CFAP96: variants seen among roughly 807,000 people sequenced by gnomAD.
CFAP96 encodes cilia and flagella associated protein 96.
At chr4:185,439,225 C>T in the CFAP96 span, among the ~76,000 whole-genome samples, 2 of 152,004 alleles carry the variant, frequency 1.3e-5, no homozygotes, top group Non-Finnish European at 2.9e-5. Context: ...TCAAGTGATT[C>T]CCATGACAAG....
the CFAP96 span, chr4:185,425,974 C>T: frequency 5.4e-6 from 7 of 1,289,368 alleles, no homozygotes; most frequent in African/African-American, 1.0e-4. Flanking sequence ...CCCGGGCGGA[C>T]CAACTACAAC....
At chr4:185,423,742 A>C in the CFAP96 span, among the ~76,000 whole-genome samples, 2 of 152,172 alleles carry the variant, frequency 1.3e-5, no homozygotes, top group Non-Finnish European at 2.9e-5. Context: ...CACAAATGAC[A>C]TGTATCATTG....
At chr4:185,444,878 CA>C in the CFAP96 span, 1 of 1,314,854 alleles carries the variant, frequency 7.6e-7, no homozygotes, top group Non-Finnish European at 1.0e-6. Context: ...CCACAGACTA[CA>C]AAAATATGTA....
At chr4:185,431,995 G>GGATATTTT in the CFAP96 span, 2 of 1,551,274 alleles carry the variant, frequency 1.3e-6, no homozygotes, top group Admixed American at 3.9e-5. Context: ...CCTTTAATGA[G>GGATATTTT]GCTGCAAGCA....
At chr4:185,433,761 G>A in the CFAP96 span, among the ~76,000 whole-genome samples, 2 of 152,034 alleles carry the variant, frequency 1.3e-5, no homozygotes, top group Non-Finnish European at 2.9e-5. Flanking sequence ...AATTAGCCGG[G>A]CGTGGTGGTG....
the CFAP96 span, chr4:185,413,740 T>C: frequency 5.0e-6 from 8 of 1,611,152 alleles, no homozygotes; most frequent in African/African-American, 1.3e-5. Context: ...CCAGTCTCCA[T>C]GTTAGGTGGA....
At chr4:185,429,940 G>C in the CFAP96 span, among the ~76,000 whole-genome samples, 11 of 152,170 alleles carry the variant, frequency 7.2e-5, no homozygotes, top group African/African-American at 2.7e-4. Flanking sequence ...CGTAGTGCTG[G>C]GGTTAAGAGG....
chr4:185,418,607 C>T, the CFAP96 span: 6 of 1,613,384 alleles, frequency 3.7e-6, no homozygotes, highest in Non-Finnish European at 5.1e-6. Context: ...GCAGTATGTT[C>T]TTACAAGCAG....
chr4:185,425,178 G>C, the CFAP96 span, among the ~76,000 whole-genome samples: 2 of 152,160 alleles, frequency 1.3e-5, no homozygotes, highest in African/African-American at 4.8e-5. Context: ...AGATGTCAAG[G>C]ATGATTTCCA....
chr4:185,427,953 G>A, the CFAP96 span, among the ~76,000 whole-genome samples: 1 of 150,992 alleles, frequency 6.6e-6, no homozygotes. Flanking sequence ...GGGCGTGGTG[G>A]CAGACGCCTG....
chr4:185,434,381 A>AT, the CFAP96 span, among the ~76,000 whole-genome samples: 128,698 of 152,028 alleles, frequency 0.85, 55,471 homozygotes, highest in East Asian at 0.99. Flanking sequence ...TAAAAATGTG[A>AT]TTTTTTTCCT....
At chr4:185,436,498 T>A in the CFAP96 span, 1 of 578,764 alleles carries the variant, frequency 1.7e-6, no homozygotes, top group Non-Finnish European at 3.1e-6. Flanking sequence ...GATCACGAGG[T>A]CAGGAGTTCG....
At chr4:185,449,589 A>G in the CFAP96 span, 5 of 1,532,596 alleles carry the variant, frequency 3.3e-6, no homozygotes, top group Middle Eastern at 1.7e-4. Context: ...TTATTTTCCA[A>G]TTTTAGGGCA....
chr4:185,425,321 T>C, the CFAP96 span, among the ~76,000 whole-genome samples: 1 of 152,008 alleles, frequency 6.6e-6, no homozygotes, highest in African/African-American at 2.4e-5. Flanking sequence ...GAAATACATA[T>C]GAGCTATCCA....
chr4:185,429,344 TA>T, the CFAP96 span: 1 of 873,128 alleles, frequency 1.1e-6, no homozygotes, highest in Non-Finnish European at 1.7e-6. Context: ...GACTTTGCTA[TA>T]AAACACGTGA....
At chr4:185,425,059 C>A in the CFAP96 span, among the ~76,000 whole-genome samples, 1 of 152,216 alleles carries the variant, frequency 6.6e-6, no homozygotes, top group African/African-American at 2.4e-5. Context: ...ATGGATAGAT[C>A]TCAAGGCCAA....
the CFAP96 span, chr4:185,416,102 A>C: frequency 1.2e-5 from 4 of 341,242 alleles, no homozygotes; most frequent in African/African-American, 6.3e-5. Context: ...AAGGACTTTT[A>C]AAGGACAGAA....
At chr4:185,437,329 ATAAAG>A in the CFAP96 span, among the ~76,000 whole-genome samples, 2 of 152,258 alleles carry the variant, frequency 1.3e-5, no homozygotes, top group Non-Finnish European at 2.9e-5. Context: ...TTGTAAATAA[ATAAAG>A]GAACCCTTAT....
chr4:185,445,517 A>G, the CFAP96 span: 12,141 of 1,578,428 alleles, frequency 7.7e-3, 236 homozygotes, highest in South Asian at 0.05. Flanking sequence ...GATGCTTGAG[A>G]GTTCTGTCTT....
Sources: gnomAD v4.1 joint callset for allele counts (sites outside exome capture counted in the v4.1 genomes callset) on GRCh38, gnomAD v4.1.1 for gene constraint, MANE v1.5 for transcripts, NCBI Gene and HGNC (gene_info 2026-07-23, HGNC 2026-07-21) for gene names.